NALF1: variants seen among roughly 807,000 people sequenced by gnomAD.
NALF1 encodes NALCN channel auxiliary factor 1.
In NALF1, 3 loss-of-function variants were observed where a neutral mutation model predicts 48.4. The observed-to-expected ratio is 0.06, with a 90% confidence interval of 0.03 to 0.16. The LOEUF (loss-of-function observed/expected upper bound fraction) is 0.16. Among genes scored for constraint, NALF1 ranks in the 10% least tolerant of loss-of-function variants. NALF1 has a pLI of 1.00. For missense variants in NALF1, 526 were observed against 571.5 expected, an observed-to-expected ratio of 0.92 and a Z score of 0.81; for synonymous variants, 262 against 245.7, an observed-to-expected ratio of 1.07 and a Z score of -0.62.
chr13:107,759,768 CTT>C, intron 1 of NALF1, among the ~76,000 whole-genome samples: 1 of 147,246 alleles, frequency 6.8e-6, no homozygotes, highest in East Asian at 2.0e-4. Context: ...ATTTACTTTG[CTT>C]TTTTTTTTTC....
intron 1 of NALF1, among the ~76,000 whole-genome samples, chr13:107,524,040 T>C (rs1243581656): frequency 1.3e-5 from 2 of 152,166 alleles, no homozygotes; most frequent in African/African-American, 4.8e-5. Context: ...GTTTTGGCTG[T>C]AAAATAATGA....
intron 1 of NALF1, among the ~76,000 whole-genome samples, chr13:107,330,733 A>G (rs1220278647): frequency 1.3e-5 from 2 of 152,218 alleles, no homozygotes; most frequent in Non-Finnish European, 2.9e-5. Context: ...ATATTTGTGT[A>G]CAAACAGCTG....
chr13:107,370,929 G>A (rs1883238463), intron 1 of NALF1, among the ~76,000 whole-genome samples: 1 of 152,144 alleles, frequency 6.6e-6, no homozygotes, highest in Non-Finnish European at 1.5e-5. Flanking sequence ...TCATTCTCAA[G>A]AGGACATCAT....
intron 1 of NALF1, among the ~76,000 whole-genome samples, chr13:107,709,012 C>T: frequency 6.6e-6 from 1 of 152,114 alleles, no homozygotes; most frequent in East Asian, 1.9e-4. Context: ...AAGTGTCATA[C>T]TAACACCAAA....
Position 107,840,653 on chromosome 13 carries a change from A to C in NALF1, c.915+25029T>G, listed in dbSNP as rs553987392. 2.0e-5 allele frequency among the ~76,000 whole-genome samples: 3 copies of C among 152,308 alleles called. No individual in the cohort carries two copies. The South Asian group carries it at 6.2e-4, about 32-fold the overall frequency. ...AATTAGTTTCGGATACTCGGGTTCT[A>C]TTCCTCGACAGTGAAGAGAGAATGT... On this transcript the variant is annotated intron_variant, in intron 1 of 2. Transcript: ENST00000375915.
intron 1 of NALF1, among the ~76,000 whole-genome samples, chr13:107,609,688 C>A (rs1381353628): frequency 6.6e-6 from 1 of 151,628 alleles, no homozygotes; most frequent in Non-Finnish European, 1.5e-5. Flanking sequence ...TGAAATCCTC[C>A]AAAAAAAATG....
intron 1 of NALF1, among the ~76,000 whole-genome samples, chr13:107,377,018 C>T (rs1486326401): frequency 6.6e-6 from 1 of 152,138 alleles, no homozygotes; most frequent in Non-Finnish European, 1.5e-5. Flanking sequence ...CTGTCCCTTC[C>T]CTCCCAGCAG....
At chr13:107,177,750 T>C (rs575707697) in intron 2 of NALF1, among the ~76,000 whole-genome samples, 2 of 152,136 alleles carry the variant, frequency 1.3e-5, no homozygotes, top group Non-Finnish European at 2.9e-5. Context: ...CAAATCAAAG[T>C]GTTTTAAAGA....
intron 1 of NALF1, among the ~76,000 whole-genome samples, chr13:107,805,819 T>C (rs914800332): frequency 6.6e-6 from 1 of 152,148 alleles, no homozygotes; most frequent in African/African-American, 2.4e-5. Flanking sequence ...TTCTCACTAG[T>C]GTTGGTGCTG....
intron 1 of NALF1, among the ~76,000 whole-genome samples, chr13:107,426,233 C>A (rs1198308658): frequency 6.6e-6 from 1 of 152,152 alleles, no homozygotes; most frequent in Non-Finnish European, 1.5e-5. Context: ...CTCAGGAAGG[C>A]CTTCTTTGAC....
intron 1 of NALF1, among the ~76,000 whole-genome samples, chr13:107,236,653 C>T (rs531756638): frequency 1.3e-5 from 2 of 151,750 alleles, no homozygotes; most frequent in South Asian, 2.1e-4. Flanking sequence ...ATGGCACTAT[C>T]TATCTATCCA....
At chr13:107,472,972 A>T (rs983485528) in intron 1 of NALF1, among the ~76,000 whole-genome samples, 1 of 152,090 alleles carries the variant, frequency 6.6e-6, no homozygotes, top group Non-Finnish European at 1.5e-5. Context: ...TTTCCTTTTC[A>T]ACCTGGAATT....
intron 1 of NALF1, among the ~76,000 whole-genome samples, chr13:107,815,253 G>A (rs1181584775): frequency 2.7e-5 from 4 of 149,084 alleles, no homozygotes; most frequent in Non-Finnish European, 6.0e-5. Context: ...TGCAAATCAT[G>A]TAACTGATTT....
At chr13:107,848,548 T>A (rs1880229760) in intron 1 of NALF1, among the ~76,000 whole-genome samples, 1 of 152,210 alleles carries the variant, frequency 6.6e-6, no homozygotes, top group South Asian at 2.1e-4. Flanking sequence ...TTTGGACAGC[T>A]AATTTCCTTG....
intron 1 of NALF1, among the ~76,000 whole-genome samples, chr13:107,318,149 T>A (rs1882186406): frequency 6.6e-6 from 1 of 152,124 alleles, no homozygotes. Context: ...TTAATTTTGT[T>A]TCATTTTATT....
intron 1 of NALF1, among the ~76,000 whole-genome samples, chr13:107,352,040 C>T (rs1418881476): frequency 6.6e-6 from 1 of 152,222 alleles, no homozygotes; most frequent in African/African-American, 2.4e-5. Flanking sequence ...AGCAAACATA[C>T]ATGTTACATA....
chr13:107,361,724 C>G (rs2138955383), intron 1 of NALF1, among the ~76,000 whole-genome samples: 1 of 152,218 alleles, frequency 6.6e-6, no homozygotes, highest in Middle Eastern at 3.4e-3. Context: ...ACACGGTAAC[C>G]AAATACATAT....
At chr13:107,612,398 T>A (rs532827147) in intron 1 of NALF1, among the ~76,000 whole-genome samples, 1 of 152,082 alleles carries the variant, frequency 6.6e-6, no homozygotes, top group Admixed American at 6.5e-5. Flanking sequence ...TAAATGTGAT[T>A]GGGGGTGTGA....
At chr13:107,205,496 C>G (rs1255855422) in intron 2 of NALF1, among the ~76,000 whole-genome samples, 1 of 152,078 alleles carries the variant, frequency 6.6e-6, no homozygotes, top group Non-Finnish European at 1.5e-5. Context: ...AGAGTCGCCA[C>G]CAGGGGGCGC....
Sources: allele counts gnomAD v4.1 joint callset (sites outside exome capture counted in the v4.1 genomes callset), GRCh38; gene constraint gnomAD v4.1.1; transcripts MANE v1.5; gene names NCBI Gene and HGNC (gene_info 2026-07-23, HGNC 2026-07-21).